The following WDR7 variants were observed in gnomAD, a reference collection of about 807,000 sequenced individuals.
The protein encoded by WDR7 is WD repeat domain 7, also known as WD repeat-containing protein 7.
WDR7 carries 46 observed loss-of-function variants against 169.4 expected under a neutral mutation model. The ratio of observed to expected loss-of-function variants is 0.27; its 90% CI spans 0.21 to 0.35. The LOEUF is 0.35. Among genes scored for constraint, WDR7 ranks in the 10% least tolerant of loss-of-function variants. The pLI, the probability that WDR7 is intolerant of heterozygous loss-of-function variation, is 1.00. For synonymous variants in WDR7, 612 were observed against 666.8 expected (o/e 0.92, Z 1.27); for missense variants, 1,534 against 1,859.3 (o/e 0.83, Z 3.22).
intron 19 of WDR7, among the ~76,000 whole-genome samples, chr18:56,811,405 A>T (rs576637421): frequency 2.0e-5 from 3 of 152,058 alleles, no homozygotes; most frequent in Non-Finnish European, 4.4e-5. Flanking sequence ...TACTTGTTGG[A>T]CGTGTGATTT....
At chr18:56,666,899 T>TC in intron 1 of WDR7, among the ~76,000 whole-genome samples, 3 of 151,874 alleles carry the variant, frequency 2.0e-5, no homozygotes, top group Middle Eastern at 6.8e-3. Context: ...GGCTATTTTT[T>TC]TTTTTTTTTG....
At chr18:56,908,069 G>T (rs143575906) in intron 21 of WDR7, among the ~76,000 whole-genome samples, 1 of 152,204 alleles carries the variant, frequency 6.6e-6, no homozygotes, top group African/African-American at 2.4e-5. Context: ...ATTTAAGCTT[G>T]TATAGTTAGA....
chr18:56,743,485 G>C (rs2043650682), intron 14 of WDR7, among the ~76,000 whole-genome samples: 1 of 152,164 alleles, frequency 6.6e-6, no homozygotes, highest in African/African-American at 2.4e-5. Flanking sequence ...AGGGAATCAA[G>C]AGTTTCAGGC....
chr18:56,918,717 G>A (rs535149436), intron 21 of WDR7, among the ~76,000 whole-genome samples: 1 of 152,248 alleles, frequency 6.6e-6, no homozygotes, highest in Non-Finnish European at 1.5e-5. Flanking sequence ...TGGAAACTTT[G>A]CCATTGTCCA....
chr18:56,723,484 A>G (rs898507450), intron 13 of WDR7, among the ~76,000 whole-genome samples: 1 of 152,054 alleles, frequency 6.6e-6, no homozygotes, highest in Admixed American at 6.6e-5. Context: ...TTCTCTAGGT[A>G]TAGAATTCTA....
At chr18:56,880,440 T>C (rs1240164170) in intron 21 of WDR7, among the ~76,000 whole-genome samples, 1 of 152,214 alleles carries the variant, frequency 6.6e-6, no homozygotes, top group Non-Finnish European at 1.5e-5. Flanking sequence ...TAGCCAGAAT[T>C]TATGAAAGCT....
At chr18:56,802,100 C>A (rs2044683690) in intron 19 of WDR7, among the ~76,000 whole-genome samples, 1 of 152,160 alleles carries the variant, frequency 6.6e-6, no homozygotes. Flanking sequence ...TATTGCTCTG[C>A]ATCTTTGTCA....
Position 56,666,201 on chromosome 18 carries a change from CTTTTTT to C in WDR7, c.-19-6282_-19-6277del, listed in dbSNP as rs71169386. ...TACTATTTCATCTTCATTCCTTCGT[CTTTTTT>C]TTTTTTTTTTTTTGAGCCGCAGTTT... On this transcript the variant is annotated intron_variant, in intron 1 of 27. Transcript: ENST00000254442. Among the ~76,000 whole-genome samples the C allele has an allele frequency of 3.7e-4, 37 of 100,978 alleles. No homozygotes were observed. In the Admixed American group the frequency reaches 5.0e-3, roughly 14 times the overall value. 66.2% of individuals were successfully genotyped at this position (100,978 alleles called of 152,430 possible). A position where few individuals can be genotyped will look rare whatever the true frequency, so the allele number is the denominator to read the frequency against.
intron 13 of WDR7, among the ~76,000 whole-genome samples, chr18:56,720,666 G>A (rs911712409): frequency 6.6e-6 from 1 of 152,096 alleles, no homozygotes; most frequent in Non-Finnish European, 1.5e-5. Flanking sequence ...ATTTACAAAT[G>A]AGGCCTTACT....
In WDR7 at chr18:56,726,973, C is replaced by T. The variant is rs144433786; in HGVS notation, c.1775-4410C>T. On this transcript the variant is annotated intron_variant, in intron 13 of 27. Transcript: ENST00000254442. ...TACTCTGCCGAGTATGTAAGGAGGA[C>T]CTTCTGCAGGTTTCTGTGGAGCTTT... is the stretch of plus-strand genomic sequence containing the variant. Among the ~76,000 whole-genome samples, 17 of 152,196 alleles carry T rather than the reference C, an allele frequency of 1.1e-4. No individual in the cohort carries two copies. In the East Asian group the frequency reaches 3.3e-3, roughly 29 times the overall value.
At chr18:56,920,048 G>A (rs1019953628) in intron 21 of WDR7, among the ~76,000 whole-genome samples, 4 of 151,114 alleles carry the variant, frequency 2.6e-5, no homozygotes, top group African/African-American at 7.3e-5. Context: ...TCATCCCCCC[G>A]CCCTCTTCTC....
At chr18:56,767,430 T>C (rs2044084994) in intron 16 of WDR7, among the ~76,000 whole-genome samples, 2 of 152,336 alleles carry the variant, frequency 1.3e-5, no homozygotes, top group South Asian at 2.1e-4. Flanking sequence ...TTGTTCTCCA[T>C]GTAGCTTCAC....
chr18:56,757,867 G>A (rs944002256), intron 15 of WDR7, among the ~76,000 whole-genome samples: 8 of 151,968 alleles, frequency 5.3e-5, no homozygotes, highest in Admixed American at 1.3e-4. Flanking sequence ...TACTTGGGGG[G>A]CTGAGGTGGG....
chr18:56,963,109 C>A (rs1248469675), intron 26 of WDR7, among the ~76,000 whole-genome samples: 2 of 152,128 alleles, frequency 1.3e-5, no homozygotes, highest in Non-Finnish European at 2.9e-5. Context: ...ATCTTGATCA[C>A]CTGATTCTCA....
At chr18:56,774,975 A>G (rs1194061073) in intron 16 of WDR7, among the ~76,000 whole-genome samples, 1 of 152,124 alleles carries the variant, frequency 6.6e-6, no homozygotes, top group African/African-American at 2.4e-5. Flanking sequence ...TTCCTTAAAA[A>G]TAGTTAATAT....
chr18:56,719,914 T>G (rs1362767693), intron 13 of WDR7, among the ~76,000 whole-genome samples: 1 of 152,148 alleles, frequency 6.6e-6, no homozygotes, highest in Non-Finnish European at 1.5e-5. Context: ...GTAAACAGAA[T>G]GTAAGTGTGT....
chr18:56,858,432 C>A (rs1021734631), intron 20 of WDR7, among the ~76,000 whole-genome samples: 3 of 151,964 alleles, frequency 2.0e-5, no homozygotes, highest in Non-Finnish European at 4.4e-5. Context: ...TATAGAAGAC[C>A]CCTATATTCT....
intron 19 of WDR7, among the ~76,000 whole-genome samples, chr18:56,809,588 T>C (rs1271236735): frequency 6.6e-6 from 1 of 152,102 alleles, no homozygotes; most frequent in Admixed American, 6.6e-5. Flanking sequence ...ATTTTCCTAG[T>C]GGACTCTTAT....
At position 56,996,366 on chromosome 18, in the gene WDR7, A is replaced by C. The variant is rs145871897; in HGVS notation, c.4165-24379A>C. On this transcript the variant is annotated intron_variant, in intron 26 of 27. Coordinates refer to ENST00000254442, the MANE Select transcript of WDR7 (RefSeq NM_015285.3). ...GAGAGAAGAAATAAGGGATTCATCT[A>C]ATAGATTCTGGGGCTTTGAAAGAGA... Among the ~76,000 whole-genome samples the C allele has an allele frequency of 7.0e-4, 107 of 152,338 alleles. No homozygotes were observed. The East Asian group carries it at 0.016, about 23-fold the overall frequency.
Sources: gnomAD v4.1 joint callset for allele counts (sites outside exome capture counted in the v4.1 genomes callset) on GRCh38, gnomAD v4.1.1 for gene constraint, MANE v1.5 for transcripts, NCBI Gene and HGNC (gene_info 2026-07-23, HGNC 2026-07-21) for gene names.